The following PTPRU variants were observed in gnomAD, a reference collection of about 807,000 sequenced individuals.
PTPRU encodes protein tyrosine phosphatase receptor type U, also known as receptor-type tyrosine-protein phosphatase U.
PTPRU carries 69 observed loss-of-function variants against 166.3 expected under a neutral mutation model. The observed-to-expected ratio is 0.41, with a 90% CI of 0.34 to 0.51. The LOEUF (loss-of-function observed/expected upper bound fraction) is 0.51, where lower values mean the gene tolerates loss of function less well. Ranked by LOEUF, PTPRU falls within the 20% of genes least tolerant of loss-of-function variation. The pLI is 0.09. For missense variants in PTPRU, 1,657 were observed against 2,013.7 expected, an observed-to-expected ratio of 0.82 and a Z score of 3.39; for synonymous variants, 793 against 814.0, an observed-to-expected ratio of 0.97 and a Z score of 0.44.
intron 15 of PTPRU, among the ~76,000 whole-genome samples, chr1:29,303,598 C>A (rs1687240480): frequency 6.6e-6 from 1 of 152,156 alleles, no homozygotes; most frequent in Non-Finnish European, 1.5e-5. Flanking sequence ...TGAAATCTAG[C>A]CAGGCAGGGC....
chr1:29,280,493 A>G lies in PTPRU; in HGVS notation c.1868+352A>G, dbSNP rs1375757771. On this transcript the variant is annotated intron_variant, in intron 11 of 29. Transcript: ENST00000373779. The surrounding 1 kb of genome is among the most constrained non-coding windows in gnomAD (Gnocchi z 4.2). ...CCAGCCTTTTCCTGGAAGCACAGAG[A>G]TGGGCTTTCTAGAAGGCTGGGGCAG... 3.3e-5 allele frequency among the ~76,000 whole-genome samples: 5 copies of G among 152,132 alleles called. No homozygotes were observed. The highest frequency in any genetic ancestry group is 6.5e-5 in the Admixed American group (1 of 15,278).
Position 29,315,574 on chromosome 1 carries a change from T to C in PTPRU, c.3363+67T>C, listed in dbSNP as rs1457613839. ...GACTGGAGTTTCTCGTGAAGGATCCTGGAGCCGGCAGAGCATGCCCAAAGG... is the reference window on the plus strand; with the variant it reads ...GACTGGAGTTTCTCGTGAAGGATCCCGGAGCCGGCAGAGCATGCCCAAAGG... On this transcript the variant is annotated intron_variant, in intron 23 of 29. Transcript: ENST00000373779. The surrounding 1 kb of genome is among the most constrained non-coding windows in gnomAD (Gnocchi z 4.5). 3.7e-6 allele frequency: 6 copies of C among 1,600,814 alleles called. No individual in the cohort carries two copies. The East Asian group carries it at 1.3e-4, about 36-fold the overall frequency.
At chr1:29,325,519 C>G in intron 29 of PTPRU, 80 bp from the exon 30 acceptor site, 1 of 1,526,872 alleles carries the variant, frequency 6.5e-7, no homozygotes, top group Non-Finnish European at 9.0e-7. Context: ...TGCTTGCCCT[C>G]TCACTCCCCG....
At position 29,257,559 on chromosome 1, in the gene PTPRU, G is replaced by C. The variant is rs543392874; in HGVS notation, c.206-946G>C. On this transcript the variant is annotated intron_variant, in intron 2 of 29. Coordinates refer to ENST00000373779, the MANE Select transcript of PTPRU (RefSeq NM_133178.4). This position sits in a 1 kb window ranked among gnomAD's most constrained non-coding sequence, Gnocchi z 4.6. ...TCCACTTCTACTCCACCAGTACCCA[G>C]CCTGGGTCTCTGGGGAAGGGACAGG... Among the ~76,000 whole-genome samples the C allele has an allele frequency of 6.6e-6, 1 of 152,348 alleles. No homozygotes were observed. The highest frequency in any genetic ancestry group is 1.5e-5 in the Non-Finnish European group (1 of 68,036).
chr1:29,241,001 G>T (rs972668136), intron 1 of PTPRU, among the ~76,000 whole-genome samples: 1 of 152,212 alleles, frequency 6.6e-6, no homozygotes, highest in Non-Finnish European at 1.5e-5. Flanking sequence ...GGTGTGTGCA[G>T]ATGTGACTCT....
Position 29,293,556 on chromosome 1 carries a change from G to A in PTPRU, c.2476+1530G>A, listed in dbSNP as rs1686747952. Among the ~76,000 whole-genome samples the A allele has an allele frequency of 1.3e-5, 2 of 148,778 alleles. 1 individual carries two copies. The highest frequency in any genetic ancestry group is 4.4e-4 in the South Asian group (2 of 4,522). On this transcript the variant is annotated intron_variant, in intron 15 of 29. Coordinates refer to ENST00000373779, the MANE Select transcript of PTPRU (RefSeq NM_133178.4). ...GTGGCGCAATCTCCGCTCACTGCAA[G>A]CTCCGCCTCCCGCATTCATGCCATT...
At chr1:29,290,585 G>A (rs1184721551) in intron 14 of PTPRU, among the ~76,000 whole-genome samples, 4 of 152,196 alleles carry the variant, frequency 2.6e-5, no homozygotes, top group Non-Finnish European at 5.9e-5. Context: ...AGGACAGTGG[G>A]TCTCTCACCT....
chr1:29,324,658 G>A (rs941926247), intron 28 of PTPRU, among the ~76,000 whole-genome samples: 11 of 152,158 alleles, frequency 7.2e-5, no homozygotes, highest in Non-Finnish European at 1.3e-4. Flanking sequence ...TGTTTCTCTT[G>A]GAGTGTGTCT....
Position 29,325,931 on chromosome 1 carries a change from G to T in PTPRU, c.*270G>T. On this transcript the variant is annotated 3_prime_UTR_variant, in exon 30 of 30. Transcript: ENST00000373779. ...CCTGCAGGCCTGTGCTGAGAGGCCTGGTGCTGCCTGGCAGAGTGACAAAGG... is the reference window on the plus strand; with the variant it reads ...CCTGCAGGCCTGTGCTGAGAGGCCTTGTGCTGCCTGGCAGAGTGACAAAGG... 3 of 467,198 alleles carry T rather than the reference G, an allele frequency of 6.4e-6. No individual in the cohort carries two copies. In the East Asian group the frequency reaches 1.0e-4, roughly 16 times the overall value. 28.9% of individuals were successfully genotyped at this position (467,198 alleles called of 1,614,324 possible).
intron 14 of PTPRU, among the ~76,000 whole-genome samples, chr1:29,288,624 C>G (rs1001524490): frequency 1.3e-5 from 2 of 152,132 alleles, no homozygotes. Flanking sequence ...TTTGCTGGTC[C>G]GTCTTCCGCT....
At chr1:29,312,779 T>C in intron 22 of PTPRU, 73 bp downstream of exon 22, 1 of 1,512,534 alleles carries the variant, frequency 6.6e-7, no homozygotes. Context: ...GTCAGGTTGG[T>C]TCAGGATCTG....
chr1:29,246,895 C>T (rs930818541), intron 1 of PTPRU, among the ~76,000 whole-genome samples: 7 of 152,178 alleles, frequency 4.6e-5, no homozygotes, highest in African/African-American at 1.7e-4. Flanking sequence ...GGATTACGGG[C>T]ATGAGCTACT....
At chr1:29,308,482 G>A (rs1306413528) in intron 18 of PTPRU, among the ~76,000 whole-genome samples, 1 of 144,228 alleles carries the variant, frequency 6.9e-6, no homozygotes, top group African/African-American at 2.6e-5. Flanking sequence ...TGGGAGGGTT[G>A]CTTAAGCCTG....
intron 1 of PTPRU, among the ~76,000 whole-genome samples, chr1:29,253,757 G>T (rs1027770931): frequency 6.6e-6 from 1 of 151,768 alleles, no homozygotes; most frequent in African/African-American, 2.4e-5. Flanking sequence ...ACCTCTTTTG[G>T]TGGGAAGCTT....
chr1:29,316,195 G>A, intron 24 of PTPRU, 44 bp downstream of exon 24: 1 of 1,561,202 alleles, frequency 6.4e-7, no homozygotes, highest in Non-Finnish European at 8.8e-7. Flanking sequence ...GTGTGTGTCT[G>A]TGTGTGTGTT....
intron 15 of PTPRU, 71 bp downstream of exon 15, chr1:29,292,097 C>T (rs1686669346): frequency 1.3e-6 from 2 of 1,564,392 alleles, no homozygotes; most frequent in Non-Finnish European, 1.7e-6. Flanking sequence ...AGGGTCCCCA[C>T]ATCAGGTGAG....
In PTPRU at chr1:29,260,675, C is replaced by T. The variant is rs1290092044; in HGVS notation, c.916C>T (p.Leu306Phe). ...TGGCCCCACCTACCTCATCATCCAG[C>T]TCAACACCAACTCCATCATTGGCGA... ...RAGPTYLIIQLNTNSIIGDGP... is the reference protein window; with the variant it reads ...RAGPTYLIIQFNTNSIIGDGP... Residue 306 changes from leucine to phenylalanine, a missense_variant, in exon 7 of 30, where the codon CTC (leucine) becomes TTC (phenylalanine). By Grantham distance (22) the Leu-to-Phe change is conservative (BLOSUM62 0). Coordinates refer to ENST00000373779, the MANE Select transcript of PTPRU (RefSeq NM_133178.4). The surrounding 1 kb of genome is among the most constrained non-coding windows in gnomAD (Gnocchi z 8.3). 6.4e-7 allele frequency: 1 copy of T among 1,567,554 alleles called. No individual in the cohort carries two copies. Among genetic ancestry groups the T allele is most frequent in the Non-Finnish European group, 8.7e-7 (1 of 1,154,282 alleles).
At chr1:29,247,880 G>T (rs1184963229) in intron 1 of PTPRU, among the ~76,000 whole-genome samples, 1 of 152,156 alleles carries the variant, frequency 6.6e-6, no homozygotes, top group African/African-American at 2.4e-5. Context: ...GGTGGTGCTA[G>T]CTCAACTTTC....
intron 1 of PTPRU, among the ~76,000 whole-genome samples, chr1:29,243,207 G>T (rs1558542416): frequency 6.6e-6 from 1 of 152,132 alleles, no homozygotes; most frequent in Admixed American, 6.5e-5. Flanking sequence ...CAGGCTTTTG[G>T]TTTCTAATGC....
Sources: gnomAD v4.1 joint callset for allele counts (sites outside exome capture counted in the v4.1 genomes callset) on GRCh38, gnomAD v4.1.1 for gene constraint, Gnocchi (gnomAD v3.1) non-coding constraint, MANE v1.5 for transcripts, NCBI Gene and HGNC (gene_info 2026-07-23, HGNC 2026-07-21) for gene names.